Variants in MCF2L2 observed in about 807,000 individuals in gnomAD.
MCF2L2 encodes the protein probable guanine nucleotide exchange factor MCF2L2.
MCF2L2 carries 102 observed loss-of-function variants against 150.2 expected under a neutral mutation model. The observed-to-expected ratio is 0.68, with a 90% CI of 0.58 to 0.80. The LOEUF (loss-of-function observed/expected upper bound fraction) is 0.80, where lower values mean the gene tolerates loss of function less well. MCF2L2 is among the 30% of genes least tolerant of loss of function. MCF2L2 has a pLI of 0.00. For missense variants in MCF2L2, 1,256 were observed against 1,372.8 expected (o/e 0.91, Z 1.34); for synonymous variants, 465 against 491.3 (o/e 0.95, Z 0.71).
chr3:183,362,414 G>A (rs1270246545), intron 3 of MCF2L2, among the ~76,000 whole-genome samples: 1 of 152,040 alleles, frequency 6.6e-6, no homozygotes, highest in Admixed American at 6.6e-5. Context: ...CTTGTCTCAA[G>A]AACTTTGGAG....
rs1722117731 is a variant in MCF2L2, at chr3:183,197,590, GATAC to G, written c.2885-2339_2885-2336del. ...TTCTTAGGCAGGATACCGAAAACAT[GATAC>G]ATACAGTTTTTAAAATTAAATATTA... On this transcript the variant is annotated intron_variant, in intron 25 of 29. Transcript: ENST00000328913. The surrounding 1 kb of genome is among the most constrained non-coding windows in gnomAD (Gnocchi z 4.5). Among the ~76,000 whole-genome samples, 1 of 152,094 alleles carries G rather than the reference GATAC, an allele frequency of 6.6e-6. No homozygotes were observed. The highest frequency in any genetic ancestry group is 6.6e-5 in the Admixed American group (1 of 15,262).
chr3:183,240,915 C>T (rs1466844014), intron 15 of MCF2L2, among the ~76,000 whole-genome samples: 1 of 152,250 alleles, frequency 6.6e-6, no homozygotes, highest in Non-Finnish European at 1.5e-5. Flanking sequence ...TTGTTTCCCA[C>T]CCAAAAACTA....
At chr3:183,379,782 T>C (rs1302466867) in intron 2 of MCF2L2, among the ~76,000 whole-genome samples, 1 of 152,216 alleles carries the variant, frequency 6.6e-6, no homozygotes, top group African/African-American at 2.4e-5. Context: ...GAGTTAACGC[T>C]AAAATCAGAC....
intron 12 of MCF2L2, chr3:183,296,458 TC>T (rs1239368768): frequency 6.3e-6 from 1 of 157,968 alleles, no homozygotes; most frequent in Non-Finnish European, 1.4e-5. Context: ...ATGCTGTTCC[TC>T]CTGTCTGGAA....
intron 1 of MCF2L2, among the ~76,000 whole-genome samples, chr3:183,414,932 T>C (rs1715510762): frequency 6.6e-6 from 1 of 152,258 alleles, no homozygotes; most frequent in Admixed American, 6.5e-5. Flanking sequence ...TTTCAATCAT[T>C]TTACATTTAT....
At chr3:183,412,455 C>A (rs748992522) in intron 1 of MCF2L2, among the ~76,000 whole-genome samples, 1 of 152,134 alleles carries the variant, frequency 6.6e-6, no homozygotes, top group Non-Finnish European at 1.5e-5. Flanking sequence ...CCAGCCACCA[C>A]ACCCAGCTGA....
intron 15 of MCF2L2, among the ~76,000 whole-genome samples, chr3:183,264,567 C>A (rs1725923117): frequency 6.6e-6 from 1 of 152,196 alleles, no homozygotes; most frequent in African/African-American, 2.4e-5. Context: ...TACTCATATA[C>A]TTGTAGGATT....
At chr3:183,250,204 C>T (rs1724452292) in intron 15 of MCF2L2, among the ~76,000 whole-genome samples, 1 of 152,200 alleles carries the variant, frequency 6.6e-6, no homozygotes, top group Non-Finnish European at 1.5e-5. Flanking sequence ...CATATTTATA[C>T]ATCCCATTTT....
At chr3:183,247,661 TAATA>T (rs932361978) in intron 15 of MCF2L2, among the ~76,000 whole-genome samples, 5 of 152,246 alleles carry the variant, frequency 3.3e-5, no homozygotes, top group African/African-American at 9.6e-5. Flanking sequence ...TTGAAAATAT[TAATA>T]AATAAATAAA....
chr3:183,341,702 T>A, intron 3 of MCF2L2, 72 bp from the exon 4 acceptor site: 1 of 1,069,492 alleles, frequency 9.4e-7, no homozygotes, highest in East Asian at 2.4e-5. Context: ...CACAGCAGAA[T>A]ACACCCTGAA....
chr3:183,222,824 C>G (rs1360813261), intron 20 of MCF2L2, among the ~76,000 whole-genome samples: 1 of 151,896 alleles, frequency 6.6e-6, no homozygotes, highest in Non-Finnish European at 1.5e-5. Flanking sequence ...GTGCTAGTGT[C>G]AATGACTTAT....
At position 183,283,542 on chromosome 3, in the gene MCF2L2, G is replaced by A. The variant is rs74702421; in HGVS notation, c.1776+5578C>T. Among the ~76,000 whole-genome samples, 2 of 148,032 alleles carry A rather than the reference G, an allele frequency of 1.4e-5. No homozygotes were observed. Among genetic ancestry groups the A allele is most frequent in the Admixed American group, 6.7e-5 (1 of 14,924 alleles). On this transcript the variant is annotated intron_variant, in intron 14 of 29. Transcript: ENST00000328913. This position sits in a 1 kb window ranked among gnomAD's most constrained non-coding sequence, Gnocchi z 4.2. ...TCTATTTATTCTTTTTTTTTTTTTA[G>A]ATGGAGTCTCACTCTGTCACCCAGG...
intron 14 of MCF2L2, among the ~76,000 whole-genome samples, chr3:183,280,845 C>CAAAA: frequency 1.4e-5 from 1 of 69,432 alleles, no homozygotes; most frequent in Non-Finnish European, 3.1e-5. Context: ...GAGTCTCTGT[C>CAAAA]AAAAAAAAAA....
At position 183,181,647 on chromosome 3, in the gene MCF2L2, T is replaced by G. The variant is rs1256517555; in HGVS notation, c.3017-1488A>C. ...GGAAGAATGATTGTCTTGCTGAAAG[T>G]TCTGTGATGGAGGGATAGAGGGACA... On this transcript the variant is annotated intron_variant, in intron 27 of 29. Transcript: ENST00000328913. This position sits in a 1 kb window ranked among gnomAD's most constrained non-coding sequence, Gnocchi z 4.3. 1.3e-5 allele frequency among the ~76,000 whole-genome samples: 2 copies of G among 152,106 alleles called. No homozygotes were observed. Among genetic ancestry groups the G allele is most frequent in the Non-Finnish European group, 2.9e-5 (2 of 68,016 alleles).
intron 5 of MCF2L2, among the ~76,000 whole-genome samples, chr3:183,338,460 A>AAAAAAG (rs1560028686): frequency 6.0e-5 from 9 of 150,954 alleles, no homozygotes; most frequent in Non-Finnish European, 1.0e-4. Flanking sequence ...AAAAAAAAAA[A>AAAAAAG]AAAAAGAAAA....
intron 1 of MCF2L2, among the ~76,000 whole-genome samples, chr3:183,409,195 A>AT (rs1288829920): frequency 6.6e-6 from 1 of 152,254 alleles, no homozygotes; most frequent in Non-Finnish European, 1.5e-5. Flanking sequence ...CGAGTGGCTC[A>AT]TAAAATACTT....
intron 20 of MCF2L2, 60 bp from the exon 21 acceptor site, chr3:183,219,984 T>C (rs1355158179): frequency 2.4e-6 from 3 of 1,256,260 alleles, no homozygotes; most frequent in African/African-American, 3.0e-5. Flanking sequence ...AAAATGTAGA[T>C]TGTCAACAAA....
chr3:183,192,951 A>C (rs751877557), intron 27 of MCF2L2, 48 bp downstream of exon 27: 2 of 1,407,340 alleles, frequency 1.4e-6, no homozygotes, highest in East Asian at 4.6e-5. Flanking sequence ...AGCAGCTGGC[A>C]TCACCCCACT....
At chr3:183,190,499 C>T (rs533297651) in intron 27 of MCF2L2, among the ~76,000 whole-genome samples, 1 of 152,334 alleles carries the variant, frequency 6.6e-6, no homozygotes, top group South Asian at 2.1e-4. Flanking sequence ...GAAGCTAGGG[C>T]AGGGAAGAAG....
Sources: gnomAD v4.1 joint callset for allele counts (sites outside exome capture counted in the v4.1 genomes callset) on GRCh38, gnomAD v4.1.1 for gene constraint, Gnocchi (gnomAD v3.1) non-coding constraint, MANE v1.5 for transcripts, NCBI Gene and HGNC (gene_info 2026-07-23, HGNC 2026-07-21) for gene names.